The following CAVIN2 variants were observed in gnomAD, a reference collection of about 807,000 sequenced individuals.
The protein encoded by CAVIN2 is caveolae-associated protein 2.
Under a neutral mutation model 11.7 loss-of-function variants are expected in CAVIN2, and 13 were observed. The ratio of observed to expected loss-of-function variants is 1.11; its 90% CI spans 0.72 to 1.77. The LOEUF is 1.77. CAVIN2 is among the 40% of genes most tolerant of loss of function. CAVIN2 has a pLI of 0.00. For synonymous variants in CAVIN2, 237 were observed against 223.2 expected, an observed-to-expected ratio of 1.06 and a Z score of -0.55; for missense variants, 549 against 542.9, an observed-to-expected ratio of 1.01 and a Z score of -0.11.
intron 1 of CAVIN2, among the ~76,000 whole-genome samples, chr2:191,839,258 T>C (rs1690061394): frequency 6.6e-6 from 1 of 152,214 alleles, no homozygotes; most frequent in Admixed American, 6.5e-5. Flanking sequence ...TTTTGCATAG[T>C]ATAATCTCTC....
Position 191,835,715 on chromosome 2 carries a change from T to C in CAVIN2, c.*208A>G, listed in dbSNP as rs1690003186. On this transcript the variant is annotated 3_prime_UTR_variant, in exon 2 of 2. Coordinates refer to ENST00000304141, the MANE Select transcript of CAVIN2 (RefSeq NM_004657.6). ...GGAGACATTCTACAGAGATAGAACCTAAGAGCAAATTAAAAGTGGAGTCCG... is the reference window on the plus strand; with the variant it reads ...GGAGACATTCTACAGAGATAGAACCCAAGAGCAAATTAAAAGTGGAGTCCG... The C allele has an allele frequency of 1.8e-6, 1 of 550,804 alleles. No homozygotes were observed. Among genetic ancestry groups the C allele is most frequent in the South Asian group, 2.9e-5 (1 of 34,062 alleles). The allele number at this position is 550,804 out of a possible 1,614,324, so 34.1% of individuals were successfully genotyped here.
In CAVIN2 at chr2:191,846,509, C is replaced by A; in HGVS notation, c.417G>T (p.Val139=). The A allele has an allele frequency of 6.2e-7, 1 of 1,614,258 alleles. No individual in the cohort carries two copies. The highest frequency in any genetic ancestry group is 8.5e-7 in the Non-Finnish European group (1 of 1,180,044). Residue 139 remains valine, a synonymous_variant, in exon 1 of 2, where the codon GTG becomes GTT. Coordinates refer to ENST00000304141, the MANE Select transcript of CAVIN2 (RefSeq NM_004657.6). ...GGGCGTGGTTGTTCTCCAGCCGCTT[C>A]ACCTGTGCGCACTGCCTATCCATGC... ...KERMDRQCAQ[V]KRLENNHAQL... is the part of the protein sequence containing the mutation.
rs774953920 is a variant in CAVIN2 at position 191,846,650 on chromosome 2, G to A, written c.276C>T (p.Gly92=). 3.7e-6 allele frequency: 6 copies of A among 1,614,214 alleles called. No individual in the cohort carries two copies. Among genetic ancestry groups the A allele is most frequent in the Non-Finnish European group, 5.1e-6 (6 of 1,180,038 alleles). The change falls in exon 1 of 2, where the codon GGC becomes GGT. Residue 92 remains glycine (G), a synonymous_variant. Coordinates refer to ENST00000304141, the MANE Select transcript of CAVIN2 (RefSeq NM_004657.6). ...AGAGCTTGGTGAGGTCATTCTGGAT[G>A]CCCTTCACGGAGCCCTCCAAACTGA... ...RQISLEGSVK[G]IQNDLTKLSK...
At chr2:191,843,895 T>A (rs1195605875) in intron 1 of CAVIN2, among the ~76,000 whole-genome samples, 1 of 152,242 alleles carries the variant, frequency 6.6e-6, no homozygotes, top group Non-Finnish European at 1.5e-5. Flanking sequence ...GAAGCATTAG[T>A]GTTCAAGAGT....
chr2:191,839,292 G>A (rs1324699858), intron 1 of CAVIN2, among the ~76,000 whole-genome samples: 7 of 152,184 alleles, frequency 4.6e-5, no homozygotes, highest in Admixed American at 4.6e-4. Flanking sequence ...GTAGTAAGTT[G>A]TATAACTTCC....
At chr2:191,842,840 A>C (rs575681797) in intron 1 of CAVIN2, among the ~76,000 whole-genome samples, 13 of 152,392 alleles carry the variant, frequency 8.5e-5, no homozygotes, top group African/African-American at 3.1e-4. Context: ...TTAAAGAAGT[A>C]ATGTCACGTT....
chr2:191,845,949 G>A (rs1374960344), intron 1 of CAVIN2, among the ~76,000 whole-genome samples: 1 of 152,112 alleles, frequency 6.6e-6, no homozygotes, highest in East Asian at 1.9e-4. Flanking sequence ...TCCCCAAAAC[G>A]TTGATAGCCT....
At chr2:191,841,955 C>G (rs1194982556) in intron 1 of CAVIN2, among the ~76,000 whole-genome samples, 1 of 152,228 alleles carries the variant, frequency 6.6e-6, no homozygotes, top group Admixed American at 6.5e-5. Flanking sequence ...CACATCAAAA[C>G]TAATATCCCA....
At chr2:191,843,004 T>C (rs548932995) in intron 1 of CAVIN2, among the ~76,000 whole-genome samples, 3 of 152,256 alleles carry the variant, frequency 2.0e-5, no homozygotes, top group African/African-American at 7.2e-5. Flanking sequence ...ACCAACATGG[T>C]GAAACCCTGT....
In CAVIN2 at chr2:191,836,305, CG is replaced by C. The variant is rs781061226; in HGVS notation, c.895del (p.Arg299GlyfsTer76). On this transcript the variant is annotated frameshift_variant, in exon 2 of 2. Coordinates refer to ENST00000304141, the MANE Select transcript of CAVIN2 (RefSeq NM_004657.6). LOFTEE classifies it low-confidence loss of function (END_TRUNC). ...PFKVSPLTFG[R>X]KKVREGESHA... ...GCTTTCTCCCTCTCGGACTTTCTTC[CG>C]CCCGAAAGTGAGGGGAGAAACCTTG... 32 of 1,614,144 alleles carry C rather than the reference CG, an allele frequency of 2.0e-5. No homozygotes were observed. The East Asian group carries it at 7.1e-4, about 36-fold the overall frequency.
In CAVIN2 at chr2:191,846,798, G is replaced by T; in HGVS notation, c.128C>A (p.Thr43Lys). Reference sequence around the variant, plus strand: ...TGAGTTGTCCCGGATGGCCTCCTCTGTGTTCCCTAGGTTCAGGCTGGGGCT... The same window carrying T: ...TGAGTTGTCCCGGATGGCCTCCTCTTTGTTCCCTAGGTTCAGGCTGGGGCT... ...TPSPSLNLGN[T>K]EEAIRDNSQV... The change falls in exon 1 of 2, where the codon ACA (threonine) becomes AAA (lysine). Residue 43 changes from threonine (T) to lysine (K), a missense_variant. By Grantham distance (78) the Thr-to-Lys change is moderately conservative. Transcript: ENST00000304141. 1.2e-6 allele frequency: 2 copies of T among 1,614,210 alleles called. No homozygotes were observed. The highest frequency in any genetic ancestry group is 1.7e-6 in the Non-Finnish European group (2 of 1,180,038).
At position 191,836,117 on chromosome 2, in the gene CAVIN2, T is replaced by A. The variant is rs867072087; in HGVS notation, c.1084A>T (p.Arg362Trp). 6.2e-7 allele frequency: 1 copy of A among 1,614,216 alleles called. No individual in the cohort carries two copies. Residue 362 changes from arginine (R) to tryptophan (W), a missense_variant, in exon 2 of 2, where the codon AGG (arginine) becomes TGG (tryptophan). Physicochemically the swap from Arg to Trp is moderately radical, Grantham distance 101 (BLOSUM62 -3). Coordinates refer to ENST00000304141, the MANE Select transcript of CAVIN2 (RefSeq NM_004657.6). ...CTGTCCATCCCCGAGTTACTCCCCC[T>A]GGAGGTCGCCTTCTCAGCAGCCTCC... Reference protein sequence around the residue: ...AEEAAEKATSRGSNSGMDSNI... With the variant: ...AEEAAEKATSWGSNSGMDSNI...
At chr2:191,839,524 A>G (rs1447425523) in intron 1 of CAVIN2, among the ~76,000 whole-genome samples, 1 of 152,184 alleles carries the variant, frequency 6.6e-6, no homozygotes, top group Non-Finnish European at 1.5e-5. Flanking sequence ...GTAGATACAC[A>G]CTGTGTATAT....
At chr2:191,840,098 C>T (rs546137554) in intron 1 of CAVIN2, among the ~76,000 whole-genome samples, 85 of 152,284 alleles carry the variant, frequency 5.6e-4, no homozygotes, top group Middle Eastern at 3.4e-3. Flanking sequence ...CCACACACCT[C>T]GTGGAAACAC....
At chr2:191,838,401 A>G (rs950925748) in intron 1 of CAVIN2, among the ~76,000 whole-genome samples, 20 of 152,224 alleles carry the variant, frequency 1.3e-4, no homozygotes, top group African/African-American at 4.6e-4. Context: ...CACACTATAC[A>G]GAGTCCTTTC....
intron 1 of CAVIN2, among the ~76,000 whole-genome samples, chr2:191,842,114 G>T (rs1690102693): frequency 6.6e-6 from 1 of 152,132 alleles, no homozygotes; most frequent in South Asian, 2.1e-4. Context: ...TTTTAAAAAT[G>T]GTCTGAAGAT....
At position 191,846,842 on chromosome 2, in the gene CAVIN2, C is replaced by T. The variant is rs747256446; in HGVS notation, c.84G>A (p.Pro28=). The T allele has an allele frequency of 2.0e-5, 32 of 1,614,044 alleles. No homozygotes were observed. The highest frequency in any genetic ancestry group is 1.4e-5 in the Non-Finnish European group (17 of 1,180,040). Residue 28 remains proline, a synonymous_variant, in exon 1 of 2, where the codon CCG becomes CCA. Coordinates refer to ENST00000304141, the MANE Select transcript of CAVIN2 (RefSeq NM_004657.6). ...MRQEKPSSPS[P]MPSSTPSPSL... ...TGGGGCTTGGTGTGGAGGAAGGCAT[C>T]GGGCTGGGGCTCGAGGGCTTTTCCT... is the stretch of plus-strand genomic sequence containing the variant.
At chr2:191,838,322 C>G (rs1367738740) in intron 1 of CAVIN2, among the ~76,000 whole-genome samples, 1 of 152,140 alleles carries the variant, frequency 6.6e-6, no homozygotes, top group Non-Finnish European at 1.5e-5. Flanking sequence ...AAAACCCTCT[C>G]CTTGTTAACA....
In CAVIN2 at chr2:191,836,092, C is replaced by A. The variant is rs1237476373; in HGVS notation, c.1109G>T (p.Ser370Ile). ...TTCCACAATAGTCAAGTCGATGTTGCTGTCCATCCCCGAGTTACTCCCCCT... is the reference window on the plus strand; with the variant it reads ...TTCCACAATAGTCAAGTCGATGTTGATGTCCATCCCCGAGTTACTCCCCCT... ...TSRGSNSGMDSNIDLTIVEDE... is the reference protein window; with the variant it reads ...TSRGSNSGMDINIDLTIVEDE... Residue 370 changes from serine to isoleucine, a missense_variant, in exon 2 of 2, where the codon AGC becomes ATC. Coordinates refer to ENST00000304141, the MANE Select transcript of CAVIN2 (RefSeq NM_004657.6). 1.9e-6 allele frequency: 3 copies of A among 1,614,220 alleles called. No homozygotes were observed. Among genetic ancestry groups the A allele is most frequent in the Middle Eastern group, 1.6e-4 (1 of 6,062 alleles).
Sources: allele counts gnomAD v4.1 joint callset (sites outside exome capture counted in the v4.1 genomes callset), GRCh38; gene constraint gnomAD v4.1.1; transcripts MANE v1.5; gene names NCBI Gene and HGNC (gene_info 2026-07-23, HGNC 2026-07-21).